SULT1B1: variants seen among roughly 807,000 people sequenced by gnomAD.
SULT1B1 encodes sulfotransferase 1B1.
SULT1B1 carries 28 observed loss-of-function variants against 34.6 expected under a neutral mutation model. The ratio of observed to expected loss-of-function variants is 0.81; its 90% confidence interval spans 0.60 to 1.11. The LOEUF is 1.11. Among genes scored for constraint, SULT1B1 ranks in the 50% least tolerant of loss-of-function variants. The pLI is 0.00. For missense variants in SULT1B1, 374 were observed against 352.2 expected (o/e 1.06, Z -0.50); for synonymous variants, 147 against 110.2 (o/e 1.33, Z -2.09).
chr4:69,738,808 A>G (rs76125793), intron 4 of SULT1B1, among the ~76,000 whole-genome samples: 11,717 of 152,264 alleles, frequency 0.077, 525 homozygotes, highest in African/African-American at 0.12. Flanking sequence ...GTGAGCATGT[A>G]AAATTGAAAG....
At chr4:69,751,255 G>A (rs886660378) in intron 3 of SULT1B1, among the ~76,000 whole-genome samples, 4 of 152,144 alleles carry the variant, frequency 2.6e-5, no homozygotes, top group African/African-American at 7.2e-5. Flanking sequence ...ATGAACTTAT[G>A]TCTGTTTCTT....
rs373975452 is a variant in SULT1B1 at position 69,727,067 on chromosome 4, C to T, written c.*21G>A. 3 of 1,557,672 alleles carry T rather than the reference C, an allele frequency of 1.9e-6. No individual in the cohort carries two copies. The highest frequency in any genetic ancestry group is 2.6e-6 in the Non-Finnish European group (3 of 1,143,780). ...AACTACAGACAATCTCTTATTTCTT[C>T]AGATGTGTGATTTAGACACTTTAAA... is the stretch of plus-strand genomic sequence containing the variant. On this transcript the variant is annotated 3_prime_UTR_variant, in exon 8 of 8. Transcript: ENST00000310613.
chr4:69,727,883 G>A (rs1299979962), intron 7 of SULT1B1, among the ~76,000 whole-genome samples: 2 of 151,902 alleles, frequency 1.3e-5, no homozygotes, highest in Admixed American at 1.3e-4. Context: ...TTTGGAAAAT[G>A]AATAAACTTT....
At chr4:69,756,188 T>C (rs1719183855) in intron 1 of SULT1B1, among the ~76,000 whole-genome samples, 1 of 152,206 alleles carries the variant, frequency 6.6e-6, no homozygotes, top group South Asian at 2.1e-4. Context: ...TTATAATGAT[T>C]TTTTTCTTTG....
chr4:69,734,159 C>T lies in SULT1B1; in HGVS notation c.481G>A (p.Glu161Lys). ...ATACCTTTTCCAGTTAAGAATTTCT[C>T]CAGATATTCTTCCCAGGTACCAGGA... ...PFPGTWEEYL[E>K]KFLTGKVAYG... is the part of the protein sequence containing the mutation. The change falls in exon 5 of 8, where the codon GAG becomes AAG. Residue 161 changes from glutamate (E) to lysine (K), a missense_variant. Glu to Lys is a moderately conservative substitution (Grantham distance 56). Coordinates refer to ENST00000310613, the MANE Select transcript of SULT1B1 (RefSeq NM_014465.4). 6.2e-7 allele frequency: 1 copy of T among 1,610,154 alleles called. No homozygotes were observed. Among genetic ancestry groups the T allele is most frequent in the Non-Finnish European group, 8.5e-7 (1 of 1,178,048 alleles).
intron 7 of SULT1B1, among the ~76,000 whole-genome samples, chr4:69,727,578 T>A (rs1041116334): frequency 6.6e-6 from 1 of 152,014 alleles, no homozygotes; most frequent in South Asian, 2.1e-4. Flanking sequence ...CATATTTTAT[T>A]TCACAAAGTA....
intron 4 of SULT1B1, among the ~76,000 whole-genome samples, chr4:69,747,842 G>A (rs1560528538): frequency 6.6e-6 from 1 of 152,116 alleles, no homozygotes; most frequent in African/African-American, 2.4e-5. Context: ...ATGAGTCATG[G>A]TGCTCAGCAA....
intron 4 of SULT1B1, among the ~76,000 whole-genome samples, chr4:69,734,582 T>C (rs1004011292): frequency 2.6e-5 from 4 of 152,090 alleles, no homozygotes; most frequent in African/African-American, 9.7e-5. Context: ...GAACACACAT[T>C]ATCAAGAAAA....
chr4:69,745,979 G>A (rs977712365), intron 4 of SULT1B1, among the ~76,000 whole-genome samples: 1 of 152,104 alleles, frequency 6.6e-6, no homozygotes, highest in South Asian at 2.1e-4. Context: ...AGTTTGACTG[G>A]ATATGACATT....
At chr4:69,752,640 T>C (rs560355157) in intron 3 of SULT1B1, among the ~76,000 whole-genome samples, 1 of 152,290 alleles carries the variant, frequency 6.6e-6, no homozygotes, top group South Asian at 2.1e-4. Context: ...AAAACAAAAA[T>C]TGGCATTTGC....
At chr4:69,748,239 A>G (rs1718832269) in intron 4 of SULT1B1, among the ~76,000 whole-genome samples, 1 of 152,220 alleles carries the variant, frequency 6.6e-6, no homozygotes, top group South Asian at 2.1e-4. Flanking sequence ...TGGCTATATC[A>G]ATACAAGACA....
chr4:69,738,605 A>T (rs1183453916), intron 4 of SULT1B1, among the ~76,000 whole-genome samples: 1 of 152,180 alleles, frequency 6.6e-6, no homozygotes, highest in Non-Finnish European at 1.5e-5. Context: ...TTACAATTGA[A>T]GATGAGATTT....
At chr4:69,749,889 C>A in intron 3 of SULT1B1, 71 bp from the exon 4 acceptor site, 1 of 1,178,906 alleles carries the variant, frequency 8.5e-7, no homozygotes. Context: ...ATTTTGCCAA[C>A]CAGTTTTTCA....
intron 3 of SULT1B1, among the ~76,000 whole-genome samples, chr4:69,753,718 T>C (rs999245400): frequency 2.6e-5 from 4 of 152,254 alleles, no homozygotes; most frequent in African/African-American, 7.2e-5. Flanking sequence ...ACTAAAGCTG[T>C]CATCTTACAC....
In SULT1B1 at chr4:69,733,281, T is replaced by C. The variant is rs1005248934; in HGVS notation, c.597+132A>G. ...CTCATTAATTATAGCAAGATTTGGGTAAAAACACATGGTGGATAGGCAAAG... is the reference window on the plus strand; with the variant it reads ...CTCATTAATTATAGCAAGATTTGGGCAAAAACACATGGTGGATAGGCAAAG... On this transcript the variant is annotated intron_variant, in intron 6 of 7. Transcript: ENST00000310613. The C allele has an allele frequency of 2.2e-5, 12 of 552,566 alleles. No individual in the cohort carries two copies. The African/African-American group carries it at 2.3e-4, about 11-fold the overall frequency. The allele number at this position is 552,566 out of a possible 1,614,324, so 34.2% of individuals were successfully genotyped here.
At chr4:69,738,134 T>C (rs1245027325) in intron 4 of SULT1B1, among the ~76,000 whole-genome samples, 1 of 152,192 alleles carries the variant, frequency 6.6e-6, no homozygotes, top group Non-Finnish European at 1.5e-5. Flanking sequence ...TGCTCCTAAA[T>C]TAATTTGCTT....
Position 69,730,495 on chromosome 4 carries a change from A to G in SULT1B1, c.778+6T>C. ...AAAGGGAAATTAAACCCAGCAAAGT[A>G]TTTACCTTTACGCATAAAAGGGGAT... is the stretch of plus-strand genomic sequence containing the variant. On this transcript the variant is annotated splice_donor_region_variant and intron_variant, in intron 7 of 7. Coordinates refer to ENST00000310613, the MANE Select transcript of SULT1B1 (RefSeq NM_014465.4). 6.3e-7 allele frequency: 1 copy of G among 1,595,716 alleles called. No individual in the cohort carries two copies.
intron 3 of SULT1B1, among the ~76,000 whole-genome samples, chr4:69,752,201 A>C (rs988793246): frequency 2.0e-5 from 3 of 152,222 alleles, no homozygotes; most frequent in Admixed American, 2.0e-4. Context: ...TTATACTTGA[A>C]TTTTAAGTTG....
At chr4:69,741,024 T>C (rs1330337224) in intron 4 of SULT1B1, among the ~76,000 whole-genome samples, 1 of 152,214 alleles carries the variant, frequency 6.6e-6, no homozygotes, top group Non-Finnish European at 1.5e-5. Flanking sequence ...TTTTTGGTAA[T>C]ACATTCAAGT....
Sources: gnomAD v4.1 joint callset for allele counts (sites outside exome capture counted in the v4.1 genomes callset) on GRCh38, gnomAD v4.1.1 for gene constraint, MANE v1.5 for transcripts, NCBI Gene and HGNC (gene_info 2026-07-23, HGNC 2026-07-21) for gene names.